ZNF804A: variants seen among roughly 807,000 people sequenced by gnomAD.
The protein encoded by ZNF804A is zinc finger protein 804A.
In ZNF804A, 2 loss-of-function variants were observed where a neutral mutation model predicts 16.5. That is an observed-to-expected ratio of 0.12 (90% CI 0.05 to 0.38). The LOEUF (loss-of-function observed/expected upper bound fraction) is 0.38, where lower values mean the gene tolerates loss of function less well. ZNF804A is among the 10% of genes least tolerant of loss of function. The pLI is 0.99. For synonymous variants in ZNF804A, 534 were observed against 489.6 expected (o/e 1.09, Z -1.20); for missense variants, 1,473 against 1,390.7 (o/e 1.06, Z -0.94).
chr2:184,830,443 G>T (rs1695245371), intron 1 of ZNF804A, among the ~76,000 whole-genome samples: 1 of 152,112 alleles, frequency 6.6e-6, no homozygotes, highest in Non-Finnish European at 1.5e-5. Context: ...CTTCAGTGGT[G>T]AAGTCTGGGG....
intron 2 of ZNF804A, among the ~76,000 whole-genome samples, chr2:184,867,386 A>G (rs1695891618): frequency 6.6e-6 from 1 of 152,090 alleles, no homozygotes; most frequent in Non-Finnish European, 1.5e-5. Flanking sequence ...ACCTGCCCTA[A>G]CTTTCTGTTA....
In ZNF804A at chr2:184,817,894, AAATAAGGG is replaced by A. The variant is rs570885748; in HGVS notation, c.112-48473_112-48466del. On this transcript the variant is annotated intron_variant, in intron 1 of 3. Coordinates refer to ENST00000302277, the MANE Select transcript of ZNF804A (RefSeq NM_194250.2). ...AAAAGTAACAAACAAAACCTCTGAG[AAATAAGGG>A]ACTATGTAAAATGACTTAATCTACA... Among the ~76,000 whole-genome samples, 604 of 152,178 alleles carry A rather than the reference AAATAAGGG, an allele frequency of 4.0e-3. 3 individuals carry two copies. The highest frequency in any genetic ancestry group is 6.7e-3 in the Non-Finnish European group (454 of 67,958).
intron 1 of ZNF804A, among the ~76,000 whole-genome samples, chr2:184,762,734 T>G (rs1430429015): frequency 6.6e-6 from 1 of 152,084 alleles, no homozygotes; most frequent in Non-Finnish European, 1.5e-5. Context: ...CACAATAAAA[T>G]AGTTATTATT....
At chr2:184,929,217 T>A (rs887735026) in intron 2 of ZNF804A, among the ~76,000 whole-genome samples, 4 of 152,130 alleles carry the variant, frequency 2.6e-5, no homozygotes, top group African/African-American at 9.7e-5. Flanking sequence ...ATAACAACAG[T>A]ATTGGCATTT....
At chr2:184,828,188 C>T (rs1430098954) in intron 1 of ZNF804A, among the ~76,000 whole-genome samples, 1 of 151,586 alleles carries the variant, frequency 6.6e-6, no homozygotes, top group African/African-American at 2.4e-5. Flanking sequence ...GTTTTATGTT[C>T]CCTTTTCAAA....
Position 184,742,017 on chromosome 2 carries a change from A to G in ZNF804A, c.112-124352A>G, listed in dbSNP as rs181715583. 4.8e-3 allele frequency among the ~76,000 whole-genome samples: 723 copies of G among 152,070 alleles called. 4 individuals carry two copies. Among genetic ancestry groups the G allele is most frequent in the Middle Eastern group, 0.01 (3 of 294 alleles). The stretch of plus-strand genomic sequence containing the variant: ...AATTTATATATTCAGTCTAATTTTT[A>G]TTTTTTATTTTATGTTTAGTTTTAG... On this transcript the variant is annotated intron_variant, in intron 1 of 3. Transcript: ENST00000302277.
chr2:184,670,580 T>G (rs1692326211), intron 1 of ZNF804A, among the ~76,000 whole-genome samples: 1 of 152,156 alleles, frequency 6.6e-6, no homozygotes. Context: ...TTTAAATGAC[T>G]ACATATATTT....
chr2:184,938,226 A>T lies in ZNF804A; in HGVS notation c.2830A>T (p.Asn944Tyr). 6.2e-7 allele frequency: 1 copy of T among 1,614,072 alleles called. No individual in the cohort carries two copies. Among genetic ancestry groups the T allele is most frequent in the Non-Finnish European group, 8.5e-7 (1 of 1,180,010 alleles). The stretch of plus-strand genomic sequence containing the variant: ...ACACAAAGAAAGAAGTGAGAATATA[A>T]ATCTTAATGAAAAGCAAATTCCTTT... ...LEHKERSENI[N>Y]LNEKQIPFQV... Residue 944 changes from asparagine (N) to tyrosine (Y), a missense_variant, in exon 4 of 4, where the codon AAT becomes TAT. Asn to Tyr is a moderately radical substitution (Grantham distance 143). Transcript: ENST00000302277.
intron 1 of ZNF804A, among the ~76,000 whole-genome samples, chr2:184,601,342 A>G (rs555644631): frequency 6.6e-6 from 1 of 152,162 alleles, no homozygotes; most frequent in East Asian, 1.9e-4. Flanking sequence ...CCCCAAAGTG[A>G]TTCTTTATAG....
intron 1 of ZNF804A, among the ~76,000 whole-genome samples, chr2:184,742,794 C>T (rs1693729336): frequency 4.0e-5 from 6 of 151,338 alleles, no homozygotes; most frequent in Admixed American, 2.6e-4. Context: ...ATGTATATAA[C>T]TATATGTGTG....
chr2:184,667,745 T>C (rs1241422984), intron 1 of ZNF804A, among the ~76,000 whole-genome samples: 1 of 151,858 alleles, frequency 6.6e-6, no homozygotes, highest in Non-Finnish European at 1.5e-5. Context: ...TTATTATCTG[T>C]AGTGTGGAGA....
intron 1 of ZNF804A, among the ~76,000 whole-genome samples, chr2:184,601,737 T>C (rs1345268885): frequency 1.3e-5 from 2 of 151,888 alleles, no homozygotes; most frequent in Non-Finnish European, 2.9e-5. Flanking sequence ...TTTAATAATA[T>C]CGCAAATGTT....
At chr2:184,696,532 A>G (rs1692834071) in intron 1 of ZNF804A, among the ~76,000 whole-genome samples, 1 of 152,202 alleles carries the variant, frequency 6.6e-6, no homozygotes, top group African/African-American at 2.4e-5. Context: ...ATGCCACCTT[A>G]CACATATAAA....
chr2:184,765,205 A>C (rs760761673), intron 1 of ZNF804A, among the ~76,000 whole-genome samples: 1 of 152,180 alleles, frequency 6.6e-6, no homozygotes, highest in Non-Finnish European at 1.5e-5. Context: ...AGCCAATTTT[A>C]TCTCTGACTT....
At chr2:184,885,679 G>A (rs541756519) in intron 2 of ZNF804A, among the ~76,000 whole-genome samples, 225 of 152,232 alleles carry the variant, frequency 1.5e-3, no homozygotes, top group African/African-American at 5.2e-3. Context: ...CATGGCTGGA[G>A]GTGAAAGGTG....
At chr2:184,625,518 T>G (rs904663672) in intron 1 of ZNF804A, among the ~76,000 whole-genome samples, 2 of 152,104 alleles carry the variant, frequency 1.3e-5, no homozygotes, top group Non-Finnish European at 2.9e-5. Context: ...ACAGTATAAA[T>G]AAAATTGCTA....
intron 1 of ZNF804A, among the ~76,000 whole-genome samples, chr2:184,821,616 G>C (rs1321668694): frequency 6.6e-6 from 1 of 152,096 alleles, no homozygotes; most frequent in Non-Finnish European, 1.5e-5. Context: ...TGTCATCAGA[G>C]TGAACAGACA....
chr2:184,865,834 A>G (rs953501732), intron 1 of ZNF804A, among the ~76,000 whole-genome samples: 1 of 152,164 alleles, frequency 6.6e-6, no homozygotes, highest in Non-Finnish European at 1.5e-5. Context: ...TTCATTCTAA[A>G]TTGATATGGG....
At chr2:184,606,832 T>TACACAC (rs10645645) in intron 1 of ZNF804A, among the ~76,000 whole-genome samples, 4,539 of 149,416 alleles carry the variant, frequency 0.03, 226 homozygotes, top group African/African-American at 0.11. Context: ...TAGGTGTGTC[T>TACACAC]ACACACACAC....
Sources: allele counts gnomAD v4.1 joint callset (sites outside exome capture counted in the v4.1 genomes callset), GRCh38; gene constraint gnomAD v4.1.1; transcripts MANE v1.5; gene names NCBI Gene and HGNC (gene_info 2026-07-23, HGNC 2026-07-21).